Variants in PCDHGA1 observed in about 807,000 individuals in gnomAD.
The protein encoded by PCDHGA1 is protocadherin gamma-A1.
Under a neutral mutation model 58.0 loss-of-function variants are expected in PCDHGA1, and 32 were observed. The ratio of observed to expected loss-of-function variants is 0.55; its 90% CI spans 0.42 to 0.74. PCDHGA1 has a LOEUF of 0.74. Ranked by LOEUF, PCDHGA1 falls within the 30% of genes least tolerant of loss-of-function variation. PCDHGA1 has a pLI of 0.00. For missense variants in PCDHGA1, 1,205 were observed against 1,182.3 expected (o/e 1.02, Z -0.28); for synonymous variants, 498 against 501.1 (o/e 0.99, Z 0.08).
intron 1 of PCDHGA1, chr5:141,418,077 T>C (rs770464447): frequency 6.8e-6 from 11 of 1,613,914 alleles, no homozygotes; most frequent in Non-Finnish European, 8.5e-6. Flanking sequence ...GCGGAGAAGC[T>C]GCACTTCAGC....
chr5:141,383,695 G>C (rs373055594), intron 1 of PCDHGA1: 3 of 1,613,974 alleles, frequency 1.9e-6, no homozygotes, highest in Non-Finnish European at 2.5e-6. Context: ...CACGGTACAT[G>C]CTATCGACCT....
In PCDHGA1 at chr5:141,433,358, C is replaced by CCTATCTATCTATCTAT. The variant is rs3074541; in HGVS notation, c.2422-61416_2422-61401dup. ...ACAGGTGCAAGCCACCTACTGTCTG[C>CCTATCTATCTATCTAT]CTATCTATCTATCTATCTATCTATC... On this transcript the variant is annotated intron_variant, in intron 1 of 3. Coordinates refer to ENST00000517417, the MANE Select transcript of PCDHGA1 (RefSeq NM_018912.3). 1.1e-3 allele frequency: 566 copies of CCTATCTATCTATCTAT among 504,038 alleles called. 2 individuals carry two copies. The highest frequency in any genetic ancestry group is 1.7e-3 in the East Asian group (49 of 28,778). The allele number at this position is 504,038 out of a possible 1,614,324, so 31.2% of individuals were successfully genotyped here.
At chr5:141,418,305 G>T in intron 1 of PCDHGA1, 1 of 1,614,026 alleles carries the variant, frequency 6.2e-7, no homozygotes, top group South Asian at 1.1e-5. Context: ...GTCAGCCTGG[G>T]GATGGGAACA....
chr5:141,483,436 C>T, intron 1 of PCDHGA1, among the ~76,000 whole-genome samples: 1 of 152,198 alleles, frequency 6.6e-6, no homozygotes, highest in Non-Finnish European at 1.5e-5. Context: ...GAGCTGACTA[C>T]AATAAAATCA....
At position 141,372,291 on chromosome 5, in the gene PCDHGA1, G is replaced by C. The variant is rs1370699746; in HGVS notation, c.2421+39186G>C. 2.5e-6 allele frequency: 4 copies of C among 1,613,302 alleles called. No individual in the cohort carries two copies. In the Admixed American group the frequency reaches 6.7e-5, roughly 27 times the overall value. On this transcript the variant is annotated intron_variant, in intron 1 of 3. Transcript: ENST00000517417. ...TGAGGTGCGCACGGCGCGTACCTTG[G>C]GCGACAGGGAGGCCGCCCGCCAGCG...
intron 1 of PCDHGA1, among the ~76,000 whole-genome samples, chr5:141,429,890 C>A (rs2097251428): frequency 6.6e-6 from 1 of 152,112 alleles, no homozygotes; most frequent in African/African-American, 2.4e-5. Context: ...GTTTCCTGAA[C>A]AATAAATATT....
chr5:141,359,982 G>A, intron 1 of PCDHGA1: 2 of 872,362 alleles, frequency 2.3e-6, no homozygotes, highest in Non-Finnish European at 3.2e-6. Context: ...GAGCCTCTTA[G>A]AGGGGAACTT....
intron 1 of PCDHGA1, chr5:141,350,537 T>C: frequency 6.2e-7 from 1 of 1,614,006 alleles, no homozygotes; most frequent in Non-Finnish European, 8.5e-7. Flanking sequence ...AGAGAAGATT[T>C]GCGGAAGGAA....
chr5:141,413,809 C>G, intron 1 of PCDHGA1: 1 of 1,613,188 alleles, frequency 6.2e-7, no homozygotes. Flanking sequence ...AGAGGCCATT[C>G]ACCACCTGGT....
In PCDHGA1 at chr5:141,461,039, C is replaced by T. The variant is rs1026091108; in HGVS notation, c.2422-33768C>T. On this transcript the variant is annotated intron_variant, in intron 1 of 3. Coordinates refer to ENST00000517417, the MANE Select transcript of PCDHGA1 (RefSeq NM_018912.3). ...ACATTTTCTTTATCCACTCATTAGT[C>T]GATGGGGACTTAGGTTGGTTTCACA... is the stretch of plus-strand genomic sequence containing the variant. 2.7e-5 allele frequency among the ~76,000 whole-genome samples: 4 copies of T among 150,906 alleles called. No homozygotes were observed. In the East Asian group the frequency reaches 7.8e-4, roughly 29 times the overall value.
intron 1 of PCDHGA1, among the ~76,000 whole-genome samples, chr5:141,336,031 G>A (rs1756596507): frequency 1.3e-5 from 2 of 152,064 alleles, no homozygotes; most frequent in Non-Finnish European, 2.9e-5. Context: ...AATTTAGCTT[G>A]CCATTCAAGA....
In PCDHGA1 at chr5:141,331,370, A is replaced by G. The variant is rs994386260; in HGVS notation, c.686A>G (p.Tyr229Cys). ...GTCCGTTCAGGGACCCTCAGAATTT[A>G]CATTCAGGTGGTGGATGCAAATGAC... ...EPVRSGTLRI[Y>C]IQVVDANDNP... Residue 229 changes from tyrosine (Y) to cysteine (C), a missense_variant, in exon 1 of 4, where the codon TAC becomes TGC. Coordinates refer to ENST00000517417, the MANE Select transcript of PCDHGA1 (RefSeq NM_018912.3). 4 of 1,614,206 alleles carry G rather than the reference A, an allele frequency of 2.5e-6. No individual in the cohort carries two copies. Among genetic ancestry groups the G allele is most frequent in the Non-Finnish European group, 3.4e-6 (4 of 1,180,044 alleles).
intron 1 of PCDHGA1, among the ~76,000 whole-genome samples, chr5:141,368,405 A>T (rs1414658123): frequency 1.3e-5 from 2 of 152,154 alleles, no homozygotes; most frequent in Admixed American, 1.3e-4. Flanking sequence ...ACACACATAC[A>T]TACACACATG....
At chr5:141,370,364 G>A (rs769081116) in intron 1 of PCDHGA1, 5 of 1,521,178 alleles carry the variant, frequency 3.3e-6, no homozygotes, top group Non-Finnish European at 3.5e-6. Context: ...CCTCTCCTCG[G>A]ATTTAGAAAG....
chr5:141,342,326 C>G (rs905450791), intron 1 of PCDHGA1: 2 of 152,160 alleles, frequency 1.3e-5, no homozygotes, highest in Non-Finnish European at 2.9e-5. Context: ...CCCAGTGCCC[C>G]TCTGATCAAT....
chr5:141,413,652 G>T, intron 1 of PCDHGA1: 4 of 1,613,780 alleles, frequency 2.5e-6, no homozygotes, highest in Non-Finnish European at 3.4e-6. Context: ...TTCCTCTCCC[G>T]GAAGCTATTG....
intron 1 of PCDHGA1, among the ~76,000 whole-genome samples, chr5:141,474,102 AAAC>A (rs909174523): frequency 2.6e-4 from 40 of 152,286 alleles, no homozygotes; most frequent in African/African-American, 8.7e-4. Flanking sequence ...ACAACAACAA[AAAC>A]AACAACAACG....
intron 1 of PCDHGA1, chr5:141,388,884 G>A: frequency 1.9e-6 from 3 of 1,614,002 alleles, no homozygotes; most frequent in Non-Finnish European, 2.5e-6. Flanking sequence ...AGTGGAGGTA[G>A]AAGTCATAGA....
intron 1 of PCDHGA1, chr5:141,382,874 G>A (rs369372304): frequency 1.6e-5 from 24 of 1,523,072 alleles, no homozygotes; most frequent in Non-Finnish European, 1.8e-6. Context: ...CGAGATCGGC[G>A]CCTAAGCAAG....
Sources: gnomAD v4.1 joint callset for allele counts (sites outside exome capture counted in the v4.1 genomes callset) on GRCh38, gnomAD v4.1.1 for gene constraint, MANE v1.5 for transcripts, NCBI Gene and HGNC (gene_info 2026-07-23, HGNC 2026-07-21) for gene names.